DAB2IP: variants seen among roughly 807,000 people sequenced by gnomAD.
DAB2IP encodes the protein DAB2 interacting protein.
Under a neutral mutation model 107.2 loss-of-function variants are expected in DAB2IP, and 28 were observed. That is an observed-to-expected ratio of 0.26 (90% CI 0.19 to 0.36). DAB2IP has a LOEUF of 0.36. Ranked by LOEUF, DAB2IP falls within the 10% of genes least tolerant of loss-of-function variation. The pLI is 1.00. For missense variants in DAB2IP, 1,400 were observed against 1,644.7 expected, an observed-to-expected ratio of 0.85 and a Z score of 2.57; for synonymous variants, 755 against 706.4, an observed-to-expected ratio of 1.07 and a Z score of -1.09.
intron 1 of DAB2IP, among the ~76,000 whole-genome samples, chr9:121,574,337 C>T (rs1327482707): frequency 1.3e-5 from 2 of 152,072 alleles, no homozygotes; most frequent in Admixed American, 6.5e-5. Context: ...GTGAAACTGA[C>T]ACCAGCCTAG....
chr9:121,632,529 C>A (rs905504358), intron 1 of DAB2IP, among the ~76,000 whole-genome samples: 4 of 152,134 alleles, frequency 2.6e-5, no homozygotes, highest in Non-Finnish European at 5.9e-5. Flanking sequence ...GGCCAGGACA[C>A]CCCCTCCCCT....
chr9:121,783,855 G>GTC (rs1251954140), exon 16 of DAB2IP: 1 of 466,164 alleles, frequency 2.1e-6, no homozygotes, highest in South Asian at 2.7e-5. Context: ...AGGAGCTTGG[G>GTC]TCTCTCTCGG....
chr9:121,612,338 A>C (rs975530254), intron 1 of DAB2IP, among the ~76,000 whole-genome samples: 2 of 152,068 alleles, frequency 1.3e-5, no homozygotes, highest in Non-Finnish European at 2.9e-5. Flanking sequence ...AAAAAAAATT[A>C]TTATTTTTAA....
At chr9:121,620,782 C>T (rs1446732568) in intron 1 of DAB2IP, among the ~76,000 whole-genome samples, 1 of 152,156 alleles carries the variant, frequency 6.6e-6, no homozygotes, top group African/African-American at 2.4e-5. Context: ...CGGGTACCCT[C>T]CTCACCTACC....
chr9:121,648,477 C>T (rs1832619623), upstream of DAB2IP, among the ~76,000 whole-genome samples: 1 of 151,816 alleles, frequency 6.6e-6, no homozygotes, highest in African/African-American at 2.4e-5. Context: ...CTTTTTGACA[C>T]AGCTTGGTCT....
chr9:121,780,657 G>C (rs911202478), intron 14 of DAB2IP, among the ~76,000 whole-genome samples: 1 of 152,128 alleles, frequency 6.6e-6, no homozygotes, highest in Non-Finnish European at 1.5e-5. Flanking sequence ...CAGACCCAGA[G>C]AGTGTGGGGT....
intron 1 of DAB2IP, among the ~76,000 whole-genome samples, chr9:121,570,536 T>C (rs1454016815): frequency 6.6e-6 from 1 of 151,964 alleles, no homozygotes; most frequent in African/African-American, 2.4e-5. Flanking sequence ...GGGATACACA[T>C]GTTCAGTCCA....
intron 9 of DAB2IP, 124 bp from the exon 10 acceptor site, chr9:121,768,308 G>A (rs1834441204): frequency 9.9e-7 from 1 of 1,012,898 alleles, no homozygotes; most frequent in South Asian, 1.4e-5. Context: ...CAGCTGACTT[G>A]GGGAGTGAAT....
At chr9:121,756,757 C>G (rs768912877) in intron 3 of DAB2IP, among the ~76,000 whole-genome samples, 1 of 152,260 alleles carries the variant, frequency 6.6e-6, no homozygotes, top group African/African-American at 2.4e-5. Context: ...ATATTAACCC[C>G]GGAGTGGCGC....
chr9:121,584,129 G>A (rs1281529100), intron 1 of DAB2IP, among the ~76,000 whole-genome samples: 1 of 152,166 alleles, frequency 6.6e-6, no homozygotes, highest in Non-Finnish European at 1.5e-5. Flanking sequence ...AGTGAGTTGA[G>A]ATCGTGCCAT....
At chr9:121,608,401 G>A (rs984682563) in intron 1 of DAB2IP, among the ~76,000 whole-genome samples, 1 of 152,192 alleles carries the variant, frequency 6.6e-6, no homozygotes, top group Admixed American at 6.5e-5. Context: ...AAGCGGGTTG[G>A]TGGAAACAAT....
intron 2 of DAB2IP, among the ~76,000 whole-genome samples, chr9:121,695,601 T>C (rs535077946): frequency 5.3e-5 from 8 of 152,338 alleles, no homozygotes; most frequent in South Asian, 2.1e-4. Context: ...CGTGGGCTCC[T>C]GTGGTCCAGC....
intron 1 of DAB2IP, chr9:121,567,366 G>C: frequency 8.0e-7 from 1 of 1,256,072 alleles, no homozygotes; most frequent in Non-Finnish European, 1.1e-6. Flanking sequence ...GGACCCATGG[G>C]TGGGCATGGG....
At chr9:121,655,735 G>C (rs946888250) in intron 1 of DAB2IP, among the ~76,000 whole-genome samples, 5 of 152,148 alleles carry the variant, frequency 3.3e-5, no homozygotes, top group Non-Finnish European at 7.4e-5. Context: ...TAGCCATGAG[G>C]GGTTTTGATT....
At position 121,760,759 on chromosome 9, in the gene DAB2IP, G is replaced by A. The variant is rs1331008851; in HGVS notation, c.1170+320G>A. Among the ~76,000 whole-genome samples, 2 of 152,088 alleles carry A rather than the reference G, an allele frequency of 1.3e-5. No homozygotes were observed. The highest frequency in any genetic ancestry group is 2.9e-5 in the Non-Finnish European group (2 of 68,018). On this transcript the variant is annotated intron_variant, in intron 6 of 15. Transcript: ENST00000408936. The surrounding 1 kb of genome is among the most constrained non-coding windows in gnomAD (Gnocchi z 5.9). The stretch of plus-strand genomic sequence containing the variant: ...CCTGAGGCGCCAGGGGAACAGGCTG[G>A]GTGGCCACGGCTCTCCCAGCACACA...
chr9:121,567,087 G>A (rs1000609041), exon 1 of DAB2IP: 37 of 1,514,704 alleles, frequency 2.4e-5, no homozygotes, highest in Non-Finnish European at 3.2e-5. Flanking sequence ...CATCTAGTTG[G>A]AAAAGCCGCC....
Position 121,772,537 on chromosome 9 carries a change from G to A in DAB2IP, c.2079-70G>A. ...CAGGTTGGCGGGTGCTGTCGGTTTG[G>A]ACCCGCCTTGGCTGCACTCACAGTT... On this transcript the variant is annotated intron_variant, in intron 11 of 15. Transcript: ENST00000408936. This position sits in a 1 kb window ranked among gnomAD's most constrained non-coding sequence, Gnocchi z 4.7. The A allele has an allele frequency of 6.5e-7, 1 of 1,530,126 alleles. No individual in the cohort carries two copies. Among genetic ancestry groups the A allele is most frequent in the South Asian group, 1.3e-5 (1 of 79,070 alleles). 94.8% of individuals were successfully genotyped at this position (1,530,126 alleles called of 1,614,324 possible).
Position 121,651,755 on chromosome 9 carries a change from C to G in DAB2IP, c.-21C>G, listed in dbSNP as rs1395560397. The G allele has an allele frequency of 5.3e-6, 7 of 1,324,098 alleles. No individual in the cohort carries two copies. Among genetic ancestry groups the G allele is most frequent in the Non-Finnish European group, 6.8e-6 (7 of 1,032,256 alleles). The allele number at this position is 1,324,098 out of a possible 1,614,324, so 82.0% of individuals were successfully genotyped here. A position where few individuals can be genotyped will look rare whatever the true frequency, so the allele number is the denominator to read the frequency against. ...CGTGTGAGCGCGCCCAGGCCCGGCC[C>G]GGTGCCCGGCGGGCGGCAGCATGTC... On this transcript the variant is annotated 5_prime_UTR_variant, in exon 1 of 16. Transcript: ENST00000408936. The surrounding 1 kb of genome is among the most constrained non-coding windows in gnomAD (Gnocchi z 5.1).
chr9:121,621,275 C>G (rs1831454650), intron 1 of DAB2IP, among the ~76,000 whole-genome samples: 1 of 152,170 alleles, frequency 6.6e-6, no homozygotes, highest in Non-Finnish European at 1.5e-5. Flanking sequence ...CTCCCTTGCT[C>G]AAGGTATAAT....
Sources: allele counts gnomAD v4.1 joint callset (sites outside exome capture counted in the v4.1 genomes callset), GRCh38; gene constraint gnomAD v4.1.1; non-coding constraint Gnocchi (gnomAD v3.1); transcripts MANE v1.5; gene names NCBI Gene and HGNC (gene_info 2026-07-23, HGNC 2026-07-21).